Variants in C19orf18 observed in about 807,000 individuals in gnomAD.
C19orf18 encodes the protein chromosome 19 open reading frame 18, also known as uncharacterized protein C19orf18.
C19orf18 carries 21 observed loss-of-function variants against 23.3 expected under a neutral mutation model. The observed-to-expected ratio is 0.90, with a 90% confidence interval of 0.64 to 1.30. The LOEUF (loss-of-function observed/expected upper bound fraction) is 1.30, where lower values mean the gene tolerates loss of function less well. C19orf18 is among the 50% of genes most tolerant of loss of function. C19orf18 has a pLI of 0.00. For missense variants in C19orf18, 249 were observed against 259.6 expected (o/e 0.96, Z 0.28); for synonymous variants, 96 against 95.2 (o/e 1.01, Z -0.05).
In C19orf18 at chr19:57,974,114, C is replaced by T. The variant is rs1249135994; in HGVS notation, c.211G>A (p.Ala71Thr). The T allele has an allele frequency of 5.0e-6, 8 of 1,614,084 alleles. No individual in the cohort carries two copies. The highest frequency in any genetic ancestry group is 6.8e-6 in the Non-Finnish European group (8 of 1,179,944). ...AATGACTCACCCGTGGATCTCGAGG[C>T]AGCCCCTTGAATCCCAGGCAACTGG... ...KTQLPGIQGAASRSTAASPTN... is the reference protein window; with the variant it reads ...KTQLPGIQGATSRSTAASPTN... Residue 71 changes from alanine to threonine, a missense_variant, in exon 2 of 6, where the codon GCC becomes ACC. Transcript: ENST00000314391.
At chr19:57,971,333 G>C (rs2072943219) in intron 3 of C19orf18, among the ~76,000 whole-genome samples, 1 of 151,834 alleles carries the variant, frequency 6.6e-6, no homozygotes, top group African/African-American at 2.4e-5. Context: ...CATGCTCCAG[G>C]CCACCATCCC....
At chr19:57,961,115 C>G (rs1013889960) in intron 5 of C19orf18, among the ~76,000 whole-genome samples, 8 of 151,620 alleles carry the variant, frequency 5.3e-5, no homozygotes, top group Admixed American at 3.3e-4. Flanking sequence ...GGCGCCTGTA[C>G]TCCCAGCTAC....
rs73064272 is a variant in C19orf18, at chr19:57,961,788, A to G, written c.372-237T>C. 4.8e-3 allele frequency among the ~76,000 whole-genome samples: 724 copies of G among 152,344 alleles called. 2 individuals carry two copies. Among genetic ancestry groups the G allele is most frequent in the Non-Finnish European group, 8.7e-3 (589 of 68,024 alleles). ...TGGATCAAAGCCAGGACTAGACGTGAACAAGGCACTCACATTGGGTTCCAA... is the reference window on the plus strand; with the variant it reads ...TGGATCAAAGCCAGGACTAGACGTGGACAAGGCACTCACATTGGGTTCCAA... On this transcript the variant is annotated intron_variant, in intron 4 of 5. Coordinates refer to ENST00000314391, the MANE Select transcript of C19orf18 (RefSeq NM_152474.5).
At position 57,972,418 on chromosome 19, in the gene C19orf18, A is replaced by G. The variant is rs755557145; in HGVS notation, c.268+45T>C. ...TGGAGCCACACATCACGACAGCTTC[A>G]GGAATGTTGCGGGTCCACCCGCCCT... On this transcript the variant is annotated intron_variant, in intron 3 of 5. Coordinates refer to ENST00000314391, the MANE Select transcript of C19orf18 (RefSeq NM_152474.5). 2.5e-6 allele frequency: 4 copies of G among 1,605,468 alleles called. No individual in the cohort carries two copies. In the East Asian group the frequency reaches 6.7e-5, roughly 27 times the overall value.
chr19:57,971,401 C>T (rs1202479612), intron 3 of C19orf18, among the ~76,000 whole-genome samples: 1 of 152,104 alleles, frequency 6.6e-6, no homozygotes, highest in Non-Finnish European at 1.5e-5. Flanking sequence ...CCCCATGCCC[C>T]ACAGCCACCA....
intron 4 of C19orf18, among the ~76,000 whole-genome samples, chr19:57,963,180 C>T (rs968388180): frequency 3.3e-5 from 5 of 151,730 alleles, no homozygotes; most frequent in African/African-American, 1.2e-4. Flanking sequence ...GCATGTGCCA[C>T]CATGCCTGGC....
intron 4 of C19orf18, among the ~76,000 whole-genome samples, chr19:57,962,624 G>A (rs1242383824): frequency 2.0e-5 from 3 of 152,162 alleles, no homozygotes; most frequent in Non-Finnish European, 2.9e-5. Context: ...GGTAGGCCGA[G>A]GCGGGCAGAT....
intron 5 of C19orf18, among the ~76,000 whole-genome samples, chr19:57,960,903 G>C (rs1387821217): frequency 6.6e-6 from 1 of 152,146 alleles, no homozygotes; most frequent in Non-Finnish European, 1.5e-5. Context: ...CCACAGGCCA[G>C]GCGCGGTGGC....
intron 3 of C19orf18, among the ~76,000 whole-genome samples, chr19:57,967,651 C>CTGAGGCAGGAGAATTGCT (rs2072917725): frequency 6.6e-6 from 1 of 151,838 alleles, no homozygotes; most frequent in Non-Finnish European, 1.5e-5. Flanking sequence ...ACTCAGGAGG[C>CTGAGGCAGGAGAATTGCT]TGAGGCAGGA....
At chr19:57,971,403 C>T (rs758913866) in intron 3 of C19orf18, among the ~76,000 whole-genome samples, 3 of 152,108 alleles carry the variant, frequency 2.0e-5, no homozygotes, top group Non-Finnish European at 4.4e-5. Flanking sequence ...CCATGCCCCA[C>T]AGCCACCAAA....
chr19:57,961,457 C>G lies in C19orf18; in HGVS notation c.466G>C (p.Asp156His), dbSNP rs2072871654. ...LLGDEEEGSE[D>H]EGESTHLLPE... ...AGTAGGTGCGTGGACTCACCCTCGT[C>G]CTCTGAGCCCTCTTCTTCATCTCCT... is the stretch of plus-strand genomic sequence containing the variant. Residue 156 changes from aspartate to histidine, a missense_variant, in exon 5 of 6, where the codon GAC (aspartate) becomes CAC (histidine). Physicochemically the swap from Asp to His is moderately conservative, Grantham distance 81. Transcript: ENST00000314391. 1.2e-6 allele frequency: 2 copies of G among 1,614,070 alleles called. No individual in the cohort carries two copies. The highest frequency in any genetic ancestry group is 3.3e-5 in the Admixed American group (2 of 59,988).
intron 5 of C19orf18, among the ~76,000 whole-genome samples, chr19:57,960,531 G>A (rs889847412): frequency 3.3e-5 from 5 of 152,080 alleles, no homozygotes; most frequent in African/African-American, 1.2e-4. Flanking sequence ...GGCATGGCAT[G>A]CTGGGAAATT....
chr19:57,971,991 T>C (rs943232004), intron 3 of C19orf18, among the ~76,000 whole-genome samples: 1 of 152,154 alleles, frequency 6.6e-6, no homozygotes, highest in East Asian at 1.9e-4. Context: ...GTGGGGGAGC[T>C]GACTCAGAAG....
chr19:57,963,284 C>A (rs528488787), intron 4 of C19orf18, among the ~76,000 whole-genome samples: 2 of 151,990 alleles, frequency 1.3e-5, no homozygotes, highest in Non-Finnish European at 2.9e-5. Context: ...CCACCTCGGC[C>A]TCCCAAAGTG....
At chr19:57,971,497 G>A (rs529387720) in intron 3 of C19orf18, among the ~76,000 whole-genome samples, 61 of 152,030 alleles carry the variant, frequency 4.0e-4, no homozygotes, top group African/African-American at 1.4e-3. Context: ...AAAAAAGACA[G>A]CCTCGCTCTG....
chr19:57,960,425 CA>C (rs34335308), intron 5 of C19orf18, among the ~76,000 whole-genome samples: 3,056 of 94,172 alleles, frequency 0.032, 38 homozygotes, highest in South Asian at 0.1. Context: ...GACTCCGCCT[CA>C]AAAAAAAAAA....
chr19:57,970,091 A>C (rs1161749223), intron 3 of C19orf18, among the ~76,000 whole-genome samples: 2 of 152,194 alleles, frequency 1.3e-5, no homozygotes, highest in Non-Finnish European at 2.9e-5. Context: ...AATTATTCAA[A>C]CTTAAACTAA....
chr19:57,968,011 C>CG (rs1414662023), intron 3 of C19orf18, among the ~76,000 whole-genome samples: 1 of 77,528 alleles, frequency 1.3e-5, no homozygotes, highest in East Asian at 2.8e-4. Context: ...GACCCTGTCT[C>CG]AAAAAAAGAA....
chr19:57,963,370 A>C (rs2072886583), intron 4 of C19orf18, among the ~76,000 whole-genome samples: 1 of 152,066 alleles, frequency 6.6e-6, no homozygotes, highest in African/African-American at 2.4e-5. Flanking sequence ...AGCAAAAAAA[A>C]CAAAATCCAG....
Sources: gnomAD v4.1 joint callset for allele counts (sites outside exome capture counted in the v4.1 genomes callset) on GRCh38, gnomAD v4.1.1 for gene constraint, MANE v1.5 for transcripts, NCBI Gene and HGNC (gene_info 2026-07-23, HGNC 2026-07-21) for gene names.